CNTN5: variants seen among roughly 807,000 people sequenced by gnomAD.
The protein encoded by CNTN5 is contactin 5.
Under a neutral mutation model 129.1 loss-of-function variants are expected in CNTN5, and 77 were observed. The observed-to-expected ratio is 0.60, with a 90% CI of 0.50 to 0.72. The LOEUF (loss-of-function observed/expected upper bound fraction) is 0.72. Among genes scored for constraint, CNTN5 ranks in the 30% least tolerant of loss-of-function variants. CNTN5 has a pLI of 0.00. For synonymous variants in CNTN5, 509 were observed against 465.6 expected, an observed-to-expected ratio of 1.09 and a Z score of -1.20; for missense variants, 1,478 against 1,328.8, an observed-to-expected ratio of 1.11 and a Z score of -1.75.
intron 2 of CNTN5, among the ~76,000 whole-genome samples, chr11:99,483,553 C>T (rs1189082425): frequency 6.6e-6 from 1 of 152,102 alleles, no homozygotes; most frequent in Non-Finnish European, 1.5e-5. Flanking sequence ...TCACCATTTT[C>T]AGGTGTTTGT....
rs576668210 is a variant in CNTN5, at chr11:99,945,588, CT to C, written c.674-11210del. On this transcript the variant is annotated intron_variant, in intron 7 of 24. Transcript: ENST00000524871. ...TATACCTGAAATAATGATGTTAACA[CT>C]TTTTTTTCTGAAATTTCCCACAAAA... Among the ~76,000 whole-genome samples, 618 of 151,162 alleles carry C rather than the reference CT, an allele frequency of 4.1e-3. 2 individuals carry two copies. Among genetic ancestry groups the C allele is most frequent in the African/African-American group, 0.014 (591 of 41,224 alleles).
chr11:99,478,425 T>G (rs1329262586), intron 2 of CNTN5, among the ~76,000 whole-genome samples: 2 of 152,102 alleles, frequency 1.3e-5, no homozygotes, highest in Admixed American at 6.5e-5. Flanking sequence ...GGTTAAAATC[T>G]CTTTTAACCA....
chr11:99,684,519 T>C (rs1953701433), intron 3 of CNTN5, among the ~76,000 whole-genome samples: 1 of 151,932 alleles, frequency 6.6e-6, no homozygotes, highest in African/African-American at 2.4e-5. Context: ...CATTATAATA[T>C]TGCATAAAAA....
intron 20 of CNTN5, among the ~76,000 whole-genome samples, chr11:100,307,532 T>G: frequency 6.6e-6 from 1 of 151,100 alleles, no homozygotes; most frequent in East Asian, 2.0e-4. Flanking sequence ...AAAAAAATAG[T>G]GTGAAAGGTC....
intron 2 of CNTN5, among the ~76,000 whole-genome samples, chr11:99,443,217 A>G (rs980941892): frequency 6.6e-6 from 1 of 152,230 alleles, no homozygotes; most frequent in African/African-American, 2.4e-5. Flanking sequence ...AAATGCTCAG[A>G]CAAATGAAAA....
At chr11:99,492,280 C>G (rs893634228) in intron 2 of CNTN5, among the ~76,000 whole-genome samples, 1 of 152,152 alleles carries the variant, frequency 6.6e-6, no homozygotes, top group Non-Finnish European at 1.5e-5. Context: ...TTATGAAAAA[C>G]AAAGATCTAC....
At chr11:99,388,890 T>C (rs1207466375) in intron 2 of CNTN5, among the ~76,000 whole-genome samples, 1 of 152,152 alleles carries the variant, frequency 6.6e-6, no homozygotes, top group Non-Finnish European at 1.5e-5. Flanking sequence ...ATTGAAATGC[T>C]CTGGGTACTG....
intron 8 of CNTN5, among the ~76,000 whole-genome samples, chr11:99,958,208 G>T (rs1950853354): frequency 6.6e-6 from 1 of 152,180 alleles, no homozygotes; most frequent in Non-Finnish European, 1.5e-5. Context: ...CCGCCAAGAG[G>T]CGATAAATGA....
At position 99,866,136 on chromosome 11, in the gene CNTN5, C is replaced by A. The variant is rs143264400; in HGVS notation, c.577+20874C>A. Reference sequence around the variant, plus strand: ...TTTTTAATAAGAGGAAATGTGATCTCACAGACTATTTGGGTGTTTTCCAAG... The same window carrying A: ...TTTTTAATAAGAGGAAATGTGATCTAACAGACTATTTGGGTGTTTTCCAAG... On this transcript the variant is annotated intron_variant, in intron 6 of 24. Transcript: ENST00000524871. 1.4e-3 allele frequency among the ~76,000 whole-genome samples: 209 copies of A among 152,254 alleles called. 4 individuals carry two copies. The South Asian group carries it at 0.017, about 13-fold the overall frequency.
At chr11:99,239,511 A>G (rs1296332843) in intron 1 of CNTN5, among the ~76,000 whole-genome samples, 3 of 152,198 alleles carry the variant, frequency 2.0e-5, no homozygotes, top group Non-Finnish European at 4.4e-5. Flanking sequence ...ACGGAAAATT[A>G]CTAGGGGAGG....
chr11:100,146,164 G>GTAAT (rs1455984009), intron 13 of CNTN5, among the ~76,000 whole-genome samples: 17 of 152,024 alleles, frequency 1.1e-4, no homozygotes, highest in Admixed American at 5.9e-4. Context: ...ATAACAATCA[G>GTAAT]TAATACTTAG....
rs151244817 is a variant in CNTN5, at chr11:100,331,245, T to A, written c.2731-9218T>A. Among the ~76,000 whole-genome samples the A allele has an allele frequency of 7.6e-3, 1,152 of 152,274 alleles. 4 individuals carry two copies. The highest frequency in any genetic ancestry group is 0.011 in the Non-Finnish European group (748 of 67,996). ...AGTTTAAAAAGACAAAGAGGGATAT[T>A]ATATAATGATAAAAGGACTAGTCCA... On this transcript the variant is annotated intron_variant, in intron 21 of 24. Transcript: ENST00000524871.
intron 1 of CNTN5, among the ~76,000 whole-genome samples, chr11:99,264,393 T>C (rs1210580149): frequency 1.3e-5 from 2 of 152,078 alleles, no homozygotes; most frequent in Non-Finnish European, 2.9e-5. Flanking sequence ...ATCTATCATA[T>C]ATAAACCTAC....
intron 13 of CNTN5, among the ~76,000 whole-genome samples, chr11:100,180,858 C>T (rs1167887843): frequency 6.6e-6 from 1 of 151,838 alleles, no homozygotes; most frequent in African/African-American, 2.4e-5. Flanking sequence ...TTTTCAACAT[C>T]ATTACAATCA....
intron 1 of CNTN5, among the ~76,000 whole-genome samples, chr11:99,308,424 G>A (rs893828568): frequency 3.3e-5 from 5 of 152,108 alleles, no homozygotes; most frequent in African/African-American, 9.7e-5. Flanking sequence ...CAGAGCTTGG[G>A]ACTACTGTAT....
chr11:100,105,203 G>A (rs1019259154), intron 13 of CNTN5, among the ~76,000 whole-genome samples: 1 of 152,166 alleles, frequency 6.6e-6, no homozygotes, highest in Non-Finnish European at 1.5e-5. Context: ...TGCTGAGGGG[G>A]AGAGATAGCA....
chr11:99,061,004 C>T (rs951865533), intron 1 of CNTN5, among the ~76,000 whole-genome samples: 2 of 152,100 alleles, frequency 1.3e-5, no homozygotes, highest in Admixed American at 1.3e-4. Flanking sequence ...CTGGATTTCC[C>T]TCCTTCCACA....
At position 100,220,195 on chromosome 11, in the gene CNTN5, C is replaced by T. The variant is rs892249437; in HGVS notation, c.1885-4497C>T. ...GGGAGGCTAAGGCAGGAGAATGGTG[C>T]GAACCCGGGAGGCGGAGCTTGCAGT... On this transcript the variant is annotated intron_variant, in intron 15 of 24. Transcript: ENST00000524871. Among the ~76,000 whole-genome samples the T allele has an allele frequency of 6.6e-5, 10 of 151,568 alleles. No individual in the cohort carries two copies. The South Asian group carries it at 1.0e-3, about 16-fold the overall frequency.
chr11:99,632,099 A>G (rs539145820), intron 3 of CNTN5, among the ~76,000 whole-genome samples: 122 of 152,220 alleles, frequency 8.0e-4, no homozygotes, highest in African/African-American at 2.7e-3. Flanking sequence ...CTTGGAAGGT[A>G]TACCCTGCGA....
Sources: allele counts gnomAD v4.1 joint callset (sites outside exome capture counted in the v4.1 genomes callset), GRCh38; gene constraint gnomAD v4.1.1; transcripts MANE v1.5; gene names NCBI Gene and HGNC (gene_info 2026-07-23, HGNC 2026-07-21).